Variants in C11orf87 observed in about 807,000 individuals in gnomAD.
C11orf87 encodes chromosome 11 open reading frame 87.
Under a neutral mutation model 9.2 loss-of-function variants are expected in C11orf87, and 3 were observed. The ratio of observed to expected loss-of-function variants is 0.33; its 90% CI spans 0.15 to 0.84. C11orf87 has a LOEUF of 0.84. Ranked by LOEUF, C11orf87 falls within the 40% of genes least tolerant of loss-of-function variation. C11orf87 has a pLI of 0.55. For synonymous variants in C11orf87, 124 were observed against 124.6 expected, an observed-to-expected ratio of 1.00 and a Z score of 0.03; for missense variants, 256 against 270.7, an observed-to-expected ratio of 0.95 and a Z score of 0.38.
rs200756529 is a variant in C11orf87 at position 109,424,040 on chromosome 11, G to A, written c.407G>A (p.Arg136Gln). The stretch of plus-strand genomic sequence containing the variant: ...GAAACCCGGCTGGAGAGGCAGCCCC[G>A]GGACTCTCCCTTCTGCGCCCCTTCC... ...AKETRLERQP[R>Q]DSPFCAPSNA... Residue 136 changes from arginine to glutamine, a missense_variant, in exon 2 of 2, where the codon CGG becomes CAG. Transcript: ENST00000327419. The surrounding 1 kb of genome is among the most constrained non-coding windows in gnomAD (Gnocchi z 4.7). The A allele has an allele frequency of 5.6e-6, 9 of 1,613,766 alleles. No individual in the cohort carries two copies. Among genetic ancestry groups the A allele is most frequent in the Non-Finnish European group, 7.6e-6 (9 of 1,180,020 alleles).
chr11:109,423,537 T>G lies in C11orf87; in HGVS notation c.-97T>G. On this transcript the variant is annotated 5_prime_UTR_variant, in exon 2 of 2. Transcript: ENST00000327419. This position sits in a 1 kb window ranked among gnomAD's most constrained non-coding sequence, Gnocchi z 5.3. ...ACCCCCTCCCGCTACAGGGAGCAGT[T>G]TTGGGTGGCGTGGGCTCCGTCCTCT... 7.8e-7 allele frequency: 1 copy of G among 1,278,604 alleles called. No individual in the cohort carries two copies. The highest frequency in any genetic ancestry group is 1.4e-5 in the South Asian group (1 of 69,136). 79.2% of individuals were successfully genotyped at this position (1,278,604 alleles called of 1,614,324 possible).
At position 109,425,548 on chromosome 11, in the gene C11orf87, T is replaced by C. The variant is rs1384856958; in HGVS notation, c.*1321T>C. 1 of 167,066 alleles carries C rather than the reference T, an allele frequency of 6.0e-6. No homozygotes were observed. The highest frequency in any genetic ancestry group is 1.5e-5 in the Non-Finnish European group (1 of 68,120). The allele number at this position is 167,066 out of a possible 1,614,324, so 10.3% of individuals were successfully genotyped here. On this transcript the variant is annotated 3_prime_UTR_variant, in exon 2 of 2. Coordinates refer to ENST00000327419, the MANE Select transcript of C11orf87 (RefSeq NM_207645.4). ...CTGGCTTCTGCTGTTTCCAGAAGTG[T>C]TCTTTTGTACCTTATTCTGTAGTAG...
In C11orf87 at chr11:109,425,647, C is replaced by T. The variant is rs1208584394; in HGVS notation, c.*1420C>T. 2 of 158,874 alleles carry T rather than the reference C, an allele frequency of 1.3e-5. No individual in the cohort carries two copies. Among genetic ancestry groups the T allele is most frequent in the African/African-American group, 4.8e-5 (2 of 41,328 alleles). The allele number at this position is 158,874 out of a possible 1,614,324, so 9.8% of individuals were successfully genotyped here. Reference sequence around the variant, plus strand: ...AATAGAAAAAACACAACCACAGAAACAAACAAATAATGGATGTGCAAGAAT... The same window carrying T: ...AATAGAAAAAACACAACCACAGAAATAAACAAATAATGGATGTGCAAGAAT... On this transcript the variant is annotated 3_prime_UTR_variant, in exon 2 of 2. Transcript: ENST00000327419.
Position 109,424,243 on chromosome 11 carries a change from C to A in C11orf87, c.*16C>A. 6.3e-7 allele frequency: 1 copy of A among 1,586,622 alleles called. No individual in the cohort carries two copies. The highest frequency in any genetic ancestry group is 8.6e-7 in the Non-Finnish European group (1 of 1,162,638). On this transcript the variant is annotated 3_prime_UTR_variant, in exon 2 of 2. Coordinates refer to ENST00000327419, the MANE Select transcript of C11orf87 (RefSeq NM_207645.4). This position sits in a 1 kb window ranked among gnomAD's most constrained non-coding sequence, Gnocchi z 4.7. ...ACTGTCCTGATCGTCTAGCCCCTCT[C>A]GTTCCCCGTCCTCGTTTCCAGCATC...
Position 109,428,911 on chromosome 11 carries a change from T to C in C11orf87, c.*4684T>C, listed in dbSNP as rs571620205. Reference sequence around the variant, plus strand: ...TGACTTATCAAGGAGGTCCTACCCATTTGTGGTAGGGATATTTCCCTTACA... The same window carrying C: ...TGACTTATCAAGGAGGTCCTACCCACTTGTGGTAGGGATATTTCCCTTACA... On this transcript the variant is annotated 3_prime_UTR_variant, in exon 2 of 2. Coordinates refer to ENST00000327419, the MANE Select transcript of C11orf87 (RefSeq NM_207645.4). 1 of 152,312 alleles carries C rather than the reference T, an allele frequency of 6.6e-6. No individual in the cohort carries two copies. The highest frequency in any genetic ancestry group is 1.5e-5 in the Non-Finnish European group (1 of 68,014). The allele number at this position is 152,312 out of a possible 1,614,324, so 9.4% of individuals were successfully genotyped here.
chr11:109,423,274 C>A lies in C11orf87; in HGVS notation c.-259-101C>A. 1 of 318,918 alleles carries A rather than the reference C, an allele frequency of 3.1e-6. No homozygotes were observed. The allele number at this position is 318,918 out of a possible 1,614,324, so 19.8% of individuals were successfully genotyped here. A position where few individuals can be genotyped will look rare whatever the true frequency, so the allele number is the denominator to read the frequency against. ...AAATACAGGCAGCGCCCAGCTCAGGCAGTGTGCCCAGAGGGCCGCTTTGCG... is the reference window on the plus strand; with the variant it reads ...AAATACAGGCAGCGCCCAGCTCAGGAAGTGTGCCCAGAGGGCCGCTTTGCG... On this transcript the variant is annotated intron_variant, in intron 1 of 1. Coordinates refer to ENST00000327419, the MANE Select transcript of C11orf87 (RefSeq NM_207645.4). This position sits in a 1 kb window ranked among gnomAD's most constrained non-coding sequence, Gnocchi z 5.3.
In C11orf87 at chr11:109,423,255, A is replaced by C; in HGVS notation, c.-259-120A>C. 3.8e-6 allele frequency: 1 copy of C among 265,508 alleles called. No homozygotes were observed. The highest frequency in any genetic ancestry group is 7.1e-6 in the Non-Finnish European group (1 of 140,746). 16.4% of individuals were successfully genotyped at this position (265,508 alleles called of 1,614,324 possible). ...GCTGGGGTCCGCTGACCGAAAATAC[A>C]GGCAGCGCCCAGCTCAGGCAGTGTG... On this transcript the variant is annotated intron_variant, in intron 1 of 1. Coordinates refer to ENST00000327419, the MANE Select transcript of C11orf87 (RefSeq NM_207645.4). This position sits in a 1 kb window ranked among gnomAD's most constrained non-coding sequence, Gnocchi z 5.3.
chr11:109,423,348 T>C lies in C11orf87; in HGVS notation c.-259-27T>C. 2.0e-6 allele frequency: 1 copy of C among 497,776 alleles called. No individual in the cohort carries two copies. The highest frequency in any genetic ancestry group is 2.0e-5 in the African/African-American group (1 of 50,306). The allele number at this position is 497,776 out of a possible 1,614,324, so 30.8% of individuals were successfully genotyped here. A position where few individuals can be genotyped will look rare whatever the true frequency, so the allele number is the denominator to read the frequency against. On this transcript the variant is annotated intron_variant, in intron 1 of 1. Coordinates refer to ENST00000327419, the MANE Select transcript of C11orf87 (RefSeq NM_207645.4). This position sits in a 1 kb window ranked among gnomAD's most constrained non-coding sequence, Gnocchi z 5.3. Reference sequence around the variant, plus strand: ...GCACTCCCCTGGGCAGCGGCCGAGATTCTAACTAAGCTTTGTGTCTTTGCA... The same window carrying C: ...GCACTCCCCTGGGCAGCGGCCGAGACTCTAACTAAGCTTTGTGTCTTTGCA...
In C11orf87 at chr11:109,425,202, G is replaced by C. The variant is rs766546589; in HGVS notation, c.*975G>C. 6 of 166,576 alleles carry C rather than the reference G, an allele frequency of 3.6e-5. No individual in the cohort carries two copies. Among genetic ancestry groups the C allele is most frequent in the Non-Finnish European group, 7.4e-5 (5 of 67,992 alleles). The allele number at this position is 166,576 out of a possible 1,614,324, so 10.3% of individuals were successfully genotyped here. A position where few individuals can be genotyped will look rare whatever the true frequency, so the allele number is the denominator to read the frequency against. On this transcript the variant is annotated 3_prime_UTR_variant, in exon 2 of 2. Transcript: ENST00000327419. ...AAGTGACTATTCTGGCTTTTGGTTGGGTTCTTTCTTCTTTTTCTACAATCG... is the reference window on the plus strand; with the variant it reads ...AAGTGACTATTCTGGCTTTTGGTTGCGTTCTTTCTTCTTTTTCTACAATCG...
rs1860587154 is a variant in C11orf87 at position 109,427,327 on chromosome 11, C to G, written c.*3100C>G. ...CAGATTTCATACTGAGCTTAATATACTCAAAACCTAAGCTTCCAGTGGTAT... is the reference window on the plus strand; with the variant it reads ...CAGATTTCATACTGAGCTTAATATAGTCAAAACCTAAGCTTCCAGTGGTAT... On this transcript the variant is annotated 3_prime_UTR_variant, in exon 2 of 2. Transcript: ENST00000327419. The G allele has an allele frequency of 1.3e-5, 2 of 152,096 alleles. No individual in the cohort carries two copies. The allele number at this position is 152,096 out of a possible 1,614,324, so 9.4% of individuals were successfully genotyped here.
At position 109,429,141 on chromosome 11, in the gene C11orf87, C is replaced by T. The variant is rs1475727617; in HGVS notation, c.*4914C>T. The stretch of plus-strand genomic sequence containing the variant: ...TGGCTTTTTGGACACTATTTCCTTG[C>T]CAATTTAATGTACAATATACCAGGA... On this transcript the variant is annotated 3_prime_UTR_variant, in exon 2 of 2. Coordinates refer to ENST00000327419, the MANE Select transcript of C11orf87 (RefSeq NM_207645.4). 1 of 152,106 alleles carries T rather than the reference C, an allele frequency of 6.6e-6. No homozygotes were observed. The highest frequency in any genetic ancestry group is 1.5e-5 in the Non-Finnish European group (1 of 68,008). The allele number at this position is 152,106 out of a possible 1,614,324, so 9.4% of individuals were successfully genotyped here. A position where few individuals can be genotyped will look rare whatever the true frequency, so the allele number is the denominator to read the frequency against.
rs1283508661 is a variant in C11orf87 at position 109,427,883 on chromosome 11, A to C, written c.*3656A>C. ...GACTTTTTGTATTCTCTTTTCTGTCATTACAAGAATGAGATGGAAACCAAA... is the reference window on the plus strand; with the variant it reads ...GACTTTTTGTATTCTCTTTTCTGTCCTTACAAGAATGAGATGGAAACCAAA... On this transcript the variant is annotated 3_prime_UTR_variant, in exon 2 of 2. Coordinates refer to ENST00000327419, the MANE Select transcript of C11orf87 (RefSeq NM_207645.4). The C allele has an allele frequency of 6.6e-6, 1 of 152,058 alleles. No homozygotes were observed. The highest frequency in any genetic ancestry group is 1.5e-5 in the Non-Finnish European group (1 of 67,980). 9.4% of individuals were successfully genotyped at this position (152,058 alleles called of 1,614,324 possible).
intron 1 of C11orf87, among the ~76,000 whole-genome samples, 192 bp downstream of exon 1, chr11:109,422,455 C>T (rs1014533372): frequency 6.6e-6 from 1 of 152,240 alleles, no homozygotes; most frequent in Non-Finnish European, 1.5e-5. Flanking sequence ...CAGTTTGCAG[C>T]TGCCTCTTGG....
chr11:109,423,555 C>G lies in C11orf87; in HGVS notation c.-79C>G. 1.4e-6 allele frequency: 2 copies of G among 1,407,738 alleles called. No homozygotes were observed. The highest frequency in any genetic ancestry group is 1.9e-6 in the Non-Finnish European group (2 of 1,057,356). The allele number at this position is 1,407,738 out of a possible 1,614,324, so 87.2% of individuals were successfully genotyped here. A position where few individuals can be genotyped will look rare whatever the true frequency, so the allele number is the denominator to read the frequency against. On this transcript the variant is annotated 5_prime_UTR_variant, in exon 2 of 2. Transcript: ENST00000327419. This position sits in a 1 kb window ranked among gnomAD's most constrained non-coding sequence, Gnocchi z 5.3. ...GAGCAGTTTTGGGTGGCGTGGGCTC[C>G]GTCCTCTTCTTGGCTGGTAGGAACG...
rs1860606833 is a variant in C11orf87, at chr11:109,428,963, TAG to T, written c.*4742_*4743del. The T allele has an allele frequency of 6.6e-6, 1 of 152,136 alleles. No individual in the cohort carries two copies. The highest frequency in any genetic ancestry group is 2.4e-5 in the African/African-American group (1 of 41,438). 9.4% of individuals were successfully genotyped at this position (152,136 alleles called of 1,614,324 possible). ...TTGTGATTACAAGGGATTGTTTCTA[TAG>T]AGAGATGAACAGCAACAACAGTGAC... On this transcript the variant is annotated 3_prime_UTR_variant, in exon 2 of 2. Transcript: ENST00000327419.
chr11:109,423,705 C>T lies in C11orf87; in HGVS notation c.72C>T (p.Ser24=), dbSNP rs1252526674. The T allele has an allele frequency of 6.2e-7, 1 of 1,613,040 alleles. No individual in the cohort carries two copies. The highest frequency in any genetic ancestry group is 8.5e-7 in the Non-Finnish European group (1 of 1,179,888). The change falls in exon 2 of 2, where the codon TCC becomes TCT. Residue 24 remains serine, a synonymous_variant. Transcript: ENST00000327419. The surrounding 1 kb of genome is among the most constrained non-coding windows in gnomAD (Gnocchi z 5.3). ...PPCLLNRTFA[S]PNASGSGNTG... ...GTCTCCTCAACCGGACCTTTGCTTC[C>T]CCCAACGCCAGCGGCAGCGGCAACA...
In C11orf87 at chr11:109,423,832, C is replaced by T. The variant is rs1290193883; in HGVS notation, c.199C>T (p.Leu67=). 3.1e-6 allele frequency: 5 copies of T among 1,614,138 alleles called. No individual in the cohort carries two copies. Among genetic ancestry groups the T allele is most frequent in the Non-Finnish European group, 4.2e-6 (5 of 1,179,980 alleles). ...SFSSTLVLIV[L]VTLIFCLIVL... ...CTCCTCCACGCTGGTGCTGATTGTC[C>T]TGGTTACCCTCATCTTCTGCCTCAT... Residue 67 remains leucine, a synonymous_variant, in exon 2 of 2, where the codon CTG becomes TTG. Coordinates refer to ENST00000327419, the MANE Select transcript of C11orf87 (RefSeq NM_207645.4). This position sits in a 1 kb window ranked among gnomAD's most constrained non-coding sequence, Gnocchi z 5.3.
rs1425385668 is a variant in C11orf87, at chr11:109,426,848, G to T, written c.*2621G>T. The T allele has an allele frequency of 1.3e-5, 2 of 152,162 alleles. No individual in the cohort carries two copies. The highest frequency in any genetic ancestry group is 2.9e-5 in the Non-Finnish European group (2 of 68,014). 9.4% of individuals were successfully genotyped at this position (152,162 alleles called of 1,614,324 possible). On this transcript the variant is annotated 3_prime_UTR_variant, in exon 2 of 2. Coordinates refer to ENST00000327419, the MANE Select transcript of C11orf87 (RefSeq NM_207645.4). The stretch of plus-strand genomic sequence containing the variant: ...TCATTTCCAATGAGCTCCAATAAGT[G>T]CATGGATATTACTTTCTTTCCCTTA...
rs201468587 is a variant in C11orf87 at position 109,424,047 on chromosome 11, T to C, written c.414T>C (p.Ser138=). 1.9e-6 allele frequency: 3 copies of C among 1,613,916 alleles called. No homozygotes were observed. The highest frequency in any genetic ancestry group is 2.2e-5 in the East Asian group (1 of 44,852). ...GGCTGGAGAGGCAGCCCCGGGACTC[T>C]CCCTTCTGCGCCCCTTCCAACGCCT... ...ETRLERQPRD[S]PFCAPSNASS... The change falls in exon 2 of 2, where the codon TCT becomes TCC. Residue 138 remains serine, a synonymous_variant. Transcript: ENST00000327419. This position sits in a 1 kb window ranked among gnomAD's most constrained non-coding sequence, Gnocchi z 4.7.
Sources: allele counts gnomAD v4.1 joint callset (sites outside exome capture counted in the v4.1 genomes callset), GRCh38; gene constraint gnomAD v4.1.1; non-coding constraint Gnocchi (gnomAD v3.1); transcripts MANE v1.5; gene names NCBI Gene and HGNC (gene_info 2026-07-23, HGNC 2026-07-21).